ST8SIA1: variants seen among roughly 807,000 people sequenced by gnomAD.
ST8SIA1 encodes alpha-N-acetylneuraminide alpha-2,8-sialyltransferase.
A neutral mutation model predicts 35.9 loss-of-function variants in ST8SIA1; 16 were observed. The observed-to-expected ratio is 0.45, with a 90% CI of 0.30 to 0.68. The LOEUF (loss-of-function observed/expected upper bound fraction) is 0.68. ST8SIA1 is among the 30% of genes least tolerant of loss of function. ST8SIA1 has a pLI of 0.09. For synonymous variants in ST8SIA1, 170 were observed against 169.6 expected, an observed-to-expected ratio of 1.00 and a Z score of -0.02; for missense variants, 383 against 453.6, an observed-to-expected ratio of 0.84 and a Z score of 1.41.
intron 4 of ST8SIA1, among the ~76,000 whole-genome samples, chr12:22,208,719 T>C (rs1379195502): frequency 6.6e-6 from 1 of 152,146 alleles, no homozygotes; most frequent in Non-Finnish European, 1.5e-5. Context: ...AACTTACCAA[T>C]GTCAAAACTG....
chr12:22,329,424 A>G (rs774002876), intron 1 of ST8SIA1, among the ~76,000 whole-genome samples: 4 of 152,144 alleles, frequency 2.6e-5, no homozygotes, highest in Admixed American at 6.5e-5. Flanking sequence ...TTAGTGATTG[A>G]TTTTTGCTAT....
At chr12:22,260,930 G>T (rs1357389158) in intron 2 of ST8SIA1, among the ~76,000 whole-genome samples, 1 of 138,114 alleles carries the variant, frequency 7.2e-6, no homozygotes, top group African/African-American at 2.7e-5. Context: ...AGGCTGGAGT[G>T]CAGTGGTCCA....
chr12:22,287,315 G>T, intron 1 of ST8SIA1, 22 bp from the exon 2 acceptor site: 1 of 1,606,416 alleles, frequency 6.2e-7, no homozygotes, highest in Non-Finnish European at 8.5e-7. Flanking sequence ...AACAGAGAGA[G>T]AGAAAAGAAC....
intron 4 of ST8SIA1, among the ~76,000 whole-genome samples, chr12:22,211,717 C>CT (rs534567915): frequency 5.4e-4 from 82 of 151,906 alleles, no homozygotes; most frequent in Non-Finnish European, 1.1e-3. Flanking sequence ...TTACTATTTT[C>CT]TTTTTTTTGA....
At chr12:22,220,732 C>G (rs1164717837) in intron 4 of ST8SIA1, among the ~76,000 whole-genome samples, 1 of 152,196 alleles carries the variant, frequency 6.6e-6, no homozygotes, top group African/African-American at 2.4e-5. Flanking sequence ...ATTTTTCCCT[C>G]CCAGGATCCT....
At chr12:22,282,296 G>C (rs1169606108) in intron 2 of ST8SIA1, among the ~76,000 whole-genome samples, 1 of 152,150 alleles carries the variant, frequency 6.6e-6, no homozygotes, top group Non-Finnish European at 1.5e-5. Context: ...CCATGAAATG[G>C]AGGCAATAAT....
chr12:22,321,734 G>A (rs7294520), intron 1 of ST8SIA1, among the ~76,000 whole-genome samples: 6,182 of 152,248 alleles, frequency 0.041, 174 homozygotes, highest in African/African-American at 0.077. Context: ...TGCCATAGTT[G>A]GAGCAGTTAT....
At chr12:22,308,424 C>T (rs1327447429) in intron 1 of ST8SIA1, among the ~76,000 whole-genome samples, 1 of 152,214 alleles carries the variant, frequency 6.6e-6, no homozygotes, top group Non-Finnish European at 1.5e-5. Flanking sequence ...TCGGTACACA[C>T]TTACCTATCA....
In ST8SIA1 at chr12:22,305,694, T is replaced by C. The variant is rs1354660282; in HGVS notation, c.237-18401A>G. ...CCATGCCCAGCCTAGCATACATTTT[T>C]GTTTGCATTTATTGACCAAGCAATC... On this transcript the variant is annotated intron_variant, in intron 1 of 4. Coordinates refer to ENST00000396037, the MANE Select transcript of ST8SIA1 (RefSeq NM_003034.4). Among the ~76,000 whole-genome samples the C allele has an allele frequency of 4.6e-5, 7 of 152,334 alleles. No individual in the cohort carries two copies. In the South Asian group the frequency reaches 1.5e-3, roughly 32 times the overall value.
At chr12:22,265,489 C>T (rs1865837124) in intron 2 of ST8SIA1, among the ~76,000 whole-genome samples, 1 of 152,188 alleles carries the variant, frequency 6.6e-6, no homozygotes, top group African/African-American at 2.4e-5. Flanking sequence ...GTTAATGTTC[C>T]CCTATGACAA....
intron 2 of ST8SIA1, among the ~76,000 whole-genome samples, chr12:22,269,559 AT>A (rs58234331): frequency 0.038 from 5,732 of 152,192 alleles, 383 homozygotes; most frequent in African/African-American, 0.13. Flanking sequence ...TGTAGAGGTG[AT>A]TCATAATTTA....
intron 1 of ST8SIA1, among the ~76,000 whole-genome samples, chr12:22,300,712 G>A (rs1332913115): frequency 6.6e-6 from 1 of 152,076 alleles, no homozygotes; most frequent in Non-Finnish European, 1.5e-5. Context: ...TTTTGTTTAA[G>A]TGAATGACTT....
At chr12:22,230,111 G>A (rs1375305267) in intron 4 of ST8SIA1, among the ~76,000 whole-genome samples, 2 of 152,182 alleles carry the variant, frequency 1.3e-5, no homozygotes, top group Non-Finnish European at 2.9e-5. Flanking sequence ...AACAAATAGT[G>A]TCAAGCTCTT....
chr12:22,326,462 T>C (rs1029254010), intron 1 of ST8SIA1: 2 of 152,308 alleles, frequency 1.3e-5, no homozygotes, highest in African/African-American at 4.8e-5. Flanking sequence ...CATTATGGAC[T>C]AATAATTAGC....
At chr12:22,261,305 C>T (rs947058461) in intron 2 of ST8SIA1, among the ~76,000 whole-genome samples, 1 of 151,996 alleles carries the variant, frequency 6.6e-6, no homozygotes, top group Non-Finnish European at 1.5e-5. Context: ...CCACCACGCT[C>T]GGGTCTTTTT....
In ST8SIA1 at chr12:22,334,100, T is replaced by C. The variant is rs1866811729; in HGVS notation, c.133A>G (p.Ile45Val). The C allele has an allele frequency of 1.2e-6, 2 of 1,613,768 alleles. No homozygotes were observed. Among genetic ancestry groups the C allele is most frequent in the South Asian group, 1.1e-5 (1 of 91,050 alleles). The change falls in exon 1 of 5, where the codon ATC becomes GTC. Residue 45 changes from isoleucine (I) to valine (V), a missense_variant. Coordinates refer to ENST00000396037, the MANE Select transcript of ST8SIA1 (RefSeq NM_003034.4). ...LCVVVLCWLY[I>V]FPVYRLPNEK... ...TTGGGCAGCCGGTAGACGGGGAAGA[T>C]GTAGAGCCAACAGAGGACCACGACA...
At position 22,298,040 on chromosome 12, in the gene ST8SIA1, C is replaced by T. The variant is rs950890199; in HGVS notation, c.237-10747G>A. Among the ~76,000 whole-genome samples, 5 of 152,228 alleles carry T rather than the reference C, an allele frequency of 3.3e-5. No individual in the cohort carries two copies. The South Asian group carries it at 1.0e-3, about 32-fold the overall frequency. ...CTACATAATGGAGCCTCCATAAAAA[C>T]CCAAATTGGCAGGATTTGAATAGCT... On this transcript the variant is annotated intron_variant, in intron 1 of 4. Coordinates refer to ENST00000396037, the MANE Select transcript of ST8SIA1 (RefSeq NM_003034.4).
chr12:22,224,707 G>A (rs1024198754), intron 4 of ST8SIA1, among the ~76,000 whole-genome samples: 2 of 152,162 alleles, frequency 1.3e-5, no homozygotes, highest in East Asian at 1.9e-4. Flanking sequence ...TCTGCCAGCA[G>A]AAAGTACTCT....
intron 1 of ST8SIA1, among the ~76,000 whole-genome samples, chr12:22,313,305 A>AT (rs1168427235): frequency 2.6e-5 from 4 of 152,058 alleles, no homozygotes; most frequent in African/African-American, 7.3e-5. Flanking sequence ...ATTTAAGTTC[A>AT]TTTTTTTTCA....
Sources: allele counts gnomAD v4.1 joint callset (sites outside exome capture counted in the v4.1 genomes callset), GRCh38; gene constraint gnomAD v4.1.1; transcripts MANE v1.5; gene names NCBI Gene and HGNC (gene_info 2026-07-23, HGNC 2026-07-21).